DOCK10: variants seen among roughly 807,000 people sequenced by gnomAD.
The protein encoded by DOCK10 is dedicator of cytokinesis 10.
In DOCK10, 145 loss-of-function variants were observed where a neutral mutation model predicts 280.1. The observed-to-expected ratio is 0.52, with a 90% confidence interval of 0.45 to 0.59. DOCK10 has a LOEUF of 0.59. Among genes scored for constraint, DOCK10 ranks in the 20% least tolerant of loss-of-function variants. The pLI is 0.00. For missense variants in DOCK10, 2,368 were observed against 2,651.7 expected (o/e 0.89, Z 2.35); for synonymous variants, 915 against 942.2 (o/e 0.97, Z 0.53).
chr2:224,836,768 T>G (rs1031848600), intron 25 of DOCK10, among the ~76,000 whole-genome samples: 3 of 151,912 alleles, frequency 2.0e-5, no homozygotes, highest in African/African-American at 4.8e-5. Context: ...CCTGGCTAAT[T>G]TTTTGTATTT....
chr2:224,899,336 AT>A (rs1350178886), intron 3 of DOCK10, among the ~76,000 whole-genome samples: 2 of 151,360 alleles, frequency 1.3e-5, no homozygotes, highest in Non-Finnish European at 3.0e-5. Flanking sequence ...TTTGGAGATC[AT>A]TCATCCATGA....
chr2:224,793,325 A>T, intron 46 of DOCK10, 75 bp downstream of exon 46: 8 of 1,223,120 alleles, frequency 6.5e-6, no homozygotes, highest in Non-Finnish European at 9.4e-6. Flanking sequence ...AAAATGTAAA[A>T]TTAATACATT....
chr2:224,952,597 T>A (rs868845892), intron 1 of DOCK10, among the ~76,000 whole-genome samples: 3,986 of 149,618 alleles, frequency 0.027, 169 homozygotes, highest in African/African-American at 0.092. Context: ...ATGTTATTTT[T>A]TTTTTTTTTT....
rs767392546 is a variant in DOCK10, at chr2:224,876,216, G to A, written c.753C>T (p.Asn251=). The change falls in exon 8 of 56, where the codon AAC becomes AAT. Residue 251 remains asparagine (N), a synonymous_variant. Coordinates refer to ENST00000258390, the MANE Select transcript of DOCK10 (RefSeq NM_014689.3). ...ATTCAAAGGCATATTTTCTTAGTCT[G>A]TTATTCTGTGGTATAAAAAGAAAGA... ...LDSCTGVVQN[N]RLRKYAFELK... 8.1e-6 allele frequency: 13 copies of A among 1,604,254 alleles called. No homozygotes were observed. The highest frequency in any genetic ancestry group is 1.1e-5 in the Non-Finnish European group (13 of 1,174,708).
chr2:224,930,166 T>G (rs962248028), intron 2 of DOCK10, among the ~76,000 whole-genome samples: 3 of 138,174 alleles, frequency 2.2e-5, no homozygotes, highest in African/African-American at 8.3e-5. Flanking sequence ...AATATGGCAC[T>G]GCACTTCAGC....
At chr2:224,859,348 G>T (rs1299412891) in intron 14 of DOCK10, among the ~76,000 whole-genome samples, 1 of 152,196 alleles carries the variant, frequency 6.6e-6, no homozygotes, top group African/African-American at 2.4e-5. Context: ...CAAGGATGCT[G>T]GCACCTAGGA....
At chr2:224,921,603 A>G (rs1253494174) in intron 2 of DOCK10, among the ~76,000 whole-genome samples, 1 of 152,192 alleles carries the variant, frequency 6.6e-6, no homozygotes, top group Admixed American at 6.5e-5. Context: ...TTTTTACTAA[A>G]TAAGACAACA....
intron 1 of DOCK10, among the ~76,000 whole-genome samples, chr2:225,040,513 CGTGTGTGT>C (rs34574873): frequency 0.052 from 7,710 of 147,430 alleles, 431 homozygotes; most frequent in East Asian, 0.19. Context: ...GAAAGCAGTG[CGTGTGTGT>C]GTGTGTGTGT....
intron 2 of DOCK10, among the ~76,000 whole-genome samples, chr2:224,917,516 C>A (rs754486763): frequency 1.3e-5 from 2 of 151,684 alleles, no homozygotes; most frequent in African/African-American, 4.8e-5. Context: ...GCTAACTGTG[C>A]GTGTGTGCGT....
chr2:224,793,709 C>G (rs1692365286), intron 45 of DOCK10, among the ~76,000 whole-genome samples: 1 of 152,138 alleles, frequency 6.6e-6, no homozygotes, highest in South Asian at 2.1e-4. Context: ...AAAGAATTTT[C>G]CCATAGAATT....
chr2:224,773,767 G>A (rs1460858234), intron 52 of DOCK10, among the ~76,000 whole-genome samples: 2 of 151,980 alleles, frequency 1.3e-5, no homozygotes, highest in Non-Finnish European at 2.9e-5. Context: ...GAGTAGCTGG[G>A]ACTACAGGTG....
intron 3 of DOCK10, among the ~76,000 whole-genome samples, chr2:224,900,984 CAGTT>C (rs72270334): frequency 0.13 from 20,051 of 152,030 alleles, 3,565 homozygotes; most frequent in African/African-American, 0.41. Context: ...ATGAGAATCA[CAGTT>C]AGACTAGATG....
chr2:224,889,345 G>A (rs1699523621), intron 4 of DOCK10, among the ~76,000 whole-genome samples: 1 of 152,142 alleles, frequency 6.6e-6, no homozygotes, highest in Non-Finnish European at 1.5e-5. Context: ...GAGCACAAAA[G>A]GAACATTGGC....
At chr2:224,842,024 G>T (rs1695998495) in intron 22 of DOCK10, 128 bp from the exon 23 acceptor site, 1 of 672,386 alleles carries the variant, frequency 1.5e-6, no homozygotes, top group Non-Finnish European at 2.6e-6. Context: ...CTTTATTAAG[G>T]AGTCAGAGGA....
chr2:224,794,869 G>A lies in DOCK10; in HGVS notation c.5154+10C>T, dbSNP rs1021613116. On this transcript the variant is annotated intron_variant, in intron 45 of 55. Coordinates refer to ENST00000258390, the MANE Select transcript of DOCK10 (RefSeq NM_014689.3). ...TACTGATGGTAAATGACCAAGCCTT[G>A]GCTAATCACCTCAGATAAATCTCCG... The A allele has an allele frequency of 6.2e-7, 1 of 1,612,426 alleles. No homozygotes were observed. Among genetic ancestry groups the A allele is most frequent in the Admixed American group, 1.7e-5 (1 of 59,980 alleles).
At chr2:225,035,657 T>A (rs1452401750) in intron 1 of DOCK10, among the ~76,000 whole-genome samples, 1 of 144,876 alleles carries the variant, frequency 6.9e-6, no homozygotes, top group Non-Finnish European at 1.5e-5. Context: ...AAAGAATCAG[T>A]GTTAATTGTG....
intron 1 of DOCK10, among the ~76,000 whole-genome samples, chr2:224,978,256 T>C (rs553107648): frequency 6.6e-6 from 1 of 152,072 alleles, no homozygotes; most frequent in African/African-American, 2.4e-5. Flanking sequence ...CACATGGTGA[T>C]ACCTCGTCTC....
At chr2:224,807,507 T>C (rs2125227628) in intron 33 of DOCK10, 161 bp downstream of exon 33, 4 of 561,716 alleles carry the variant, frequency 7.1e-6, no homozygotes, top group East Asian at 5.7e-5. Context: ...AAGGGACCTA[T>C]CTGGAACAAA....
chr2:224,855,100 C>CACACAG, intron 15 of DOCK10, 58 bp from the exon 16 acceptor site: 2 of 1,186,168 alleles, frequency 1.7e-6, no homozygotes, highest in Non-Finnish European at 1.2e-6. Flanking sequence ...CACACACACA[C>CACACAG]AGAGTATTAT....
Sources: gnomAD v4.1 joint callset for allele counts (sites outside exome capture counted in the v4.1 genomes callset) on GRCh38, gnomAD v4.1.1 for gene constraint, MANE v1.5 for transcripts, NCBI Gene and HGNC (gene_info 2026-07-23, HGNC 2026-07-21) for gene names.